The following CDKN2B-AS1 variants were observed in gnomAD, a reference collection of about 807,000 sequenced individuals.
CDKN2B-AS1 encodes CDKN2B antisense RNA 1 (non-protein coding).
At chr9:22,065,491 T>G (rs549485637) in intron 4 of CDKN2B-AS1, among the ~76,000 whole-genome samples, 26 of 152,368 alleles carry the variant, frequency 1.7e-4, no homozygotes, top group East Asian at 1.9e-4. Flanking sequence ...TAATACCTCC[T>G]ACTTCCTTTG....
chr9:22,031,730 C>T (rs1341720383), intron 1 of CDKN2B-AS1, among the ~76,000 whole-genome samples: 1 of 152,214 alleles, frequency 6.6e-6, no homozygotes, highest in Non-Finnish European at 1.5e-5. Flanking sequence ...CTACTATTCA[C>T]AGCTTTGTGT....
At chr9:21,998,827 T>C (rs1820799373) in intron 1 of CDKN2B-AS1, among the ~76,000 whole-genome samples, 1 of 152,126 alleles carries the variant, frequency 6.6e-6, no homozygotes, top group African/African-American at 2.4e-5. Flanking sequence ...TTTCCTAACA[T>C]TGCACATGCT....
chr9:22,123,689 A>T (rs1273413582), intron 4 of CDKN2B-AS1, among the ~76,000 whole-genome samples: 1 of 151,608 alleles, frequency 6.6e-6, no homozygotes, highest in Non-Finnish European at 1.5e-5. Context: ...AGTCAGAGAG[A>T]AGTGAGGGCT....
At chr9:22,053,195 G>A (rs1409046442) in intron 3 of CDKN2B-AS1, among the ~76,000 whole-genome samples, 1 of 152,138 alleles carries the variant, frequency 6.6e-6, no homozygotes, top group Non-Finnish European at 1.5e-5. Context: ...AATTAATATG[G>A]GACGGAGCTG....
intron 1 of CDKN2B-AS1, among the ~76,000 whole-genome samples, chr9:22,015,738 C>G (rs948760634): frequency 2.0e-5 from 3 of 152,198 alleles, no homozygotes; most frequent in Non-Finnish European, 2.9e-5. Flanking sequence ...GCTGCACCGA[C>G]TAACTCATCA....
chr9:22,077,650 T>G (rs1824548240), intron 4 of CDKN2B-AS1: 1 of 152,226 alleles, frequency 6.6e-6, no homozygotes, highest in African/African-American at 2.4e-5. Flanking sequence ...ATAATTTTTC[T>G]TGGTCACATT....
chr9:22,126,726 CTG>C (rs1274416633), intron 4 of CDKN2B-AS1, among the ~76,000 whole-genome samples: 7 of 152,108 alleles, frequency 4.6e-5, no homozygotes, highest in Admixed American at 1.3e-4. Flanking sequence ...GCGCCCGCCA[CTG>C]CACCCGGCTA....
At chr9:22,110,194 T>G (rs1825769556) in intron 4 of CDKN2B-AS1, among the ~76,000 whole-genome samples, 1 of 152,182 alleles carries the variant, frequency 6.6e-6, no homozygotes, top group Admixed American at 6.5e-5. Flanking sequence ...TAGTTGATCA[T>G]ACTTTTCCTT....
intron 4 of CDKN2B-AS1, chr9:22,096,627 C>T (rs1021573910): frequency 2.0e-5 from 3 of 152,194 alleles, no homozygotes; most frequent in Non-Finnish European, 4.4e-5. Context: ...TATAGTATGA[C>T]CTCTCAAGGA....
intron 3 of CDKN2B-AS1, among the ~76,000 whole-genome samples, chr9:22,053,330 A>G (rs1454949253): frequency 6.6e-6 from 1 of 152,212 alleles, no homozygotes; most frequent in Non-Finnish European, 1.5e-5. Context: ...GTTTCCATTG[A>G]CCATGAAAGA....
chr9:22,107,069 A>G (rs961302348), intron 4 of CDKN2B-AS1, among the ~76,000 whole-genome samples: 7 of 152,334 alleles, frequency 4.6e-5, no homozygotes, highest in African/African-American at 1.2e-4. Flanking sequence ...CTTGTGGTCA[A>G]ATTTGCTCTT....
At chr9:22,113,999 G>T (rs1825870719) in intron 4 of CDKN2B-AS1, among the ~76,000 whole-genome samples, 1 of 152,144 alleles carries the variant, frequency 6.6e-6, no homozygotes, top group Non-Finnish European at 1.5e-5. Context: ...GAGTCCAAAT[G>T]AAAATACGTC....
chr9:22,009,353 C>G (rs1485849905), intron 1 of CDKN2B-AS1: 1 of 375,632 alleles, frequency 2.7e-6, no homozygotes, highest in Non-Finnish European at 4.9e-6. Flanking sequence ...GCCAAGGGGC[C>G]GGCGTCTCCC....
At chr9:22,114,350 T>C (rs1825884878) in intron 4 of CDKN2B-AS1, among the ~76,000 whole-genome samples, 1 of 152,186 alleles carries the variant, frequency 6.6e-6, no homozygotes, top group Non-Finnish European at 1.5e-5. Flanking sequence ...TGAATCACTG[T>C]GTTAGTTCAG....
intron 1 of CDKN2B-AS1, among the ~76,000 whole-genome samples, chr9:22,035,938 A>G (rs145890481): frequency 6.6e-6 from 1 of 152,234 alleles, no homozygotes; most frequent in Non-Finnish European, 1.5e-5. Context: ...ATGCCACAGG[A>G]CAGGGCCTGA....
chr9:22,100,330 C>T (rs535875080), intron 4 of CDKN2B-AS1, among the ~76,000 whole-genome samples: 5 of 152,200 alleles, frequency 3.3e-5, no homozygotes, highest in Admixed American at 2.6e-4. Context: ...CATCTCCATC[C>T]CCAGGCAACC....
intron 4 of CDKN2B-AS1, among the ~76,000 whole-genome samples, chr9:22,069,117 CTGTG>C (rs1824182794): frequency 1.3e-5 from 2 of 151,994 alleles, no homozygotes; most frequent in Admixed American, 1.3e-4. Flanking sequence ...ATTACTTTTC[CTGTG>C]TGAAAATAAT....
At chr9:22,008,113 G>A (rs1377089192) in intron 1 of CDKN2B-AS1, among the ~76,000 whole-genome samples, 1 of 152,180 alleles carries the variant, frequency 6.6e-6, no homozygotes, top group African/African-American at 2.4e-5. Flanking sequence ...TAACAATGAA[G>A]ATAAAGATGC....
At chr9:22,063,975 C>T (rs986816911) in intron 4 of CDKN2B-AS1, 2 of 152,082 alleles carry the variant, frequency 1.3e-5, no homozygotes, top group Non-Finnish European at 2.9e-5. Context: ...GCCACAAAAC[C>T]ACTGGTGACG....
Sources: allele counts gnomAD v4.1 joint callset (sites outside exome capture counted in the v4.1 genomes callset), GRCh38; gene constraint gnomAD v4.1.1; transcripts MANE v1.5; gene names NCBI Gene and HGNC (gene_info 2026-07-23, HGNC 2026-07-21).